CHODL: variants seen among roughly 807,000 people sequenced by gnomAD.
The protein encoded by CHODL is transmembrane protein MT75.
CHODL carries 29 observed loss-of-function variants against 34.5 expected under a neutral mutation model. The observed-to-expected ratio is 0.84, with a 90% CI of 0.63 to 1.15. The LOEUF (loss-of-function observed/expected upper bound fraction) is 1.15, where lower values mean the gene tolerates loss of function less well. CHODL is among the 50% of genes most tolerant of loss of function. The pLI is 0.00. For missense variants in CHODL, 332 were observed against 332.5 expected (o/e 1.00, Z 0.01); for synonymous variants, 125 against 116.1 (o/e 1.08, Z -0.49).
chr21:18,056,058 T>C (rs1297642770), intron 2 of CHODL, among the ~76,000 whole-genome samples: 1 of 152,054 alleles, frequency 6.6e-6, no homozygotes, highest in Non-Finnish European at 1.5e-5. Context: ...CTTGAAGCAC[T>C]ATCTTAGATT....
upstream of CHODL, among the ~76,000 whole-genome samples, chr21:18,240,599 A>T (rs2055276332): frequency 6.6e-6 from 1 of 152,168 alleles, no homozygotes; most frequent in Non-Finnish European, 1.5e-5. Context: ...TGATTATCTC[A>T]ATTTTGTTTG....
intron 1 of CHODL, among the ~76,000 whole-genome samples, chr21:17,959,756 A>C (rs1473754820): frequency 1.3e-5 from 2 of 152,180 alleles, no homozygotes; most frequent in Non-Finnish European, 2.9e-5. Context: ...TTATCATGAA[A>C]AAGAGAAAAT....
chr21:18,087,281 G>T (rs1239591780), intron 2 of CHODL, among the ~76,000 whole-genome samples: 1 of 152,028 alleles, frequency 6.6e-6, no homozygotes, highest in Admixed American at 6.5e-5. Context: ...CAGGGAAATG[G>T]ATATTGTCTG....
chr21:18,215,885 G>A (rs2146730145), intron 2 of CHODL, among the ~76,000 whole-genome samples: 1 of 152,186 alleles, frequency 6.6e-6, no homozygotes, highest in South Asian at 2.1e-4. Flanking sequence ...GCATGGGGAG[G>A]ATACAGTGAC....
intron 2 of CHODL, among the ~76,000 whole-genome samples, chr21:18,172,870 G>T (rs1016440040): frequency 5.3e-5 from 8 of 152,132 alleles, no homozygotes; most frequent in Non-Finnish European, 2.9e-5. Context: ...TTTCTGAAAA[G>T]CTGAAATCAG....
chr21:18,092,629 A>G (rs1472661755), intron 2 of CHODL, among the ~76,000 whole-genome samples: 1 of 152,236 alleles, frequency 6.6e-6, no homozygotes. Context: ...AGATTGAAAT[A>G]ATTAAAAAGA....
At chr21:18,258,509 C>T (rs1198825585) in intron 3 of CHODL, among the ~76,000 whole-genome samples, 1 of 151,830 alleles carries the variant, frequency 6.6e-6, no homozygotes. Context: ...AAAATTTATG[C>T]CATTATTTAG....
intron 2 of CHODL, among the ~76,000 whole-genome samples, chr21:18,219,037 C>T (rs1460378024): frequency 2.0e-5 from 3 of 152,166 alleles, no homozygotes; most frequent in East Asian, 1.9e-4. Context: ...ACTGTTCCAA[C>T]CTCTGCCTGT....
intron 2 of CHODL, among the ~76,000 whole-genome samples, chr21:18,171,268 G>T (rs1436131351): frequency 1.7e-5 from 2 of 119,348 alleles, no homozygotes; most frequent in Non-Finnish European, 3.3e-5. Flanking sequence ...CTGCAGCGGC[G>T]CAATCTCGGC....
intron 1 of CHODL, among the ~76,000 whole-genome samples, chr21:17,921,105 A>AT (rs772062672): frequency 6.6e-6 from 1 of 152,216 alleles, no homozygotes; most frequent in Non-Finnish European, 1.5e-5. Flanking sequence ...CAGATTTATT[A>AT]TAAGAAATTG....
chr21:18,055,389 C>A (rs531668932), intron 2 of CHODL, among the ~76,000 whole-genome samples: 1 of 152,088 alleles, frequency 6.6e-6, no homozygotes. Context: ...TATTTCCTTG[C>A]CTTTTAGTTT....
chr21:18,141,593 T>C (rs1254999118), intron 2 of CHODL, among the ~76,000 whole-genome samples: 4 of 151,952 alleles, frequency 2.6e-5, no homozygotes, highest in African/African-American at 9.7e-5. Flanking sequence ...CAGCATGCTA[T>C]ACACATGACA....
chr21:17,953,844 T>C (rs910387112), intron 1 of CHODL, among the ~76,000 whole-genome samples: 1 of 152,094 alleles, frequency 6.6e-6, no homozygotes, highest in Non-Finnish European at 1.5e-5. Context: ...ACCTTGTCTC[T>C]ACTAAAAATA....
intron 2 of CHODL, among the ~76,000 whole-genome samples, chr21:18,084,665 A>C (rs909278525): frequency 1.3e-5 from 2 of 152,136 alleles, no homozygotes; most frequent in African/African-American, 4.8e-5. Flanking sequence ...AAAAAACTTT[A>C]AGACTTGTTT....
intron 2 of CHODL, among the ~76,000 whole-genome samples, chr21:18,089,219 T>C (rs555623997): frequency 2.4e-4 from 37 of 152,346 alleles, no homozygotes; most frequent in African/African-American, 8.4e-4. Flanking sequence ...CTTTTGTTTA[T>C]CCTGTTCTTA....
rs940133668 is a variant in CHODL, at chr21:17,936,069, T to A, written c.-145+18669T>A. Among the ~76,000 whole-genome samples the A allele has an allele frequency of 2.3e-4, 13 of 56,302 alleles. No homozygotes were observed. The African/African-American group carries it at 2.3e-3, about 10-fold the overall frequency. 36.9% of individuals were successfully genotyped at this position (56,302 alleles called of 152,430 possible). A position where few individuals can be genotyped will look rare whatever the true frequency, so the allele number is the denominator to read the frequency against. ...ACATGAAGCAGAGTCTTCTGACAAC[T>A]CATTATCATATCGTAGAAATAGAAC... On this transcript the variant is annotated intron_variant, in intron 1 of 6. Coordinates refer to the CHODL transcript ENST00000400127.
chr21:18,223,120 A>G (rs180730860), intron 2 of CHODL, among the ~76,000 whole-genome samples: 2 of 152,308 alleles, frequency 1.3e-5, no homozygotes, highest in Non-Finnish European at 2.9e-5. Flanking sequence ...ATGTAATAAC[A>G]TAAGTGGGAA....
At chr21:18,163,786 G>C (rs144637517) in intron 2 of CHODL, among the ~76,000 whole-genome samples, 32 of 117,076 alleles carry the variant, frequency 2.7e-4, no homozygotes, top group Non-Finnish European at 5.4e-4. Flanking sequence ...CTCATGTACA[G>C]GTTTTCTGTG....
intron 2 of CHODL, among the ~76,000 whole-genome samples, chr21:18,040,778 A>G (rs2064365836): frequency 1.3e-5 from 2 of 151,814 alleles, no homozygotes; most frequent in African/African-American, 4.8e-5. Flanking sequence ...CTTTACTTCA[A>G]ATATAGCTTT....
Sources: allele counts gnomAD v4.1 joint callset (sites outside exome capture counted in the v4.1 genomes callset), GRCh38; gene constraint gnomAD v4.1.1; transcripts MANE v1.5; gene names NCBI Gene and HGNC (gene_info 2026-07-23, HGNC 2026-07-21).